The following DACH1 variants were observed in gnomAD, a reference collection of about 807,000 sequenced individuals.
DACH1 encodes the protein dachshund homolog 1.
DACH1 carries 12 observed loss-of-function variants against 54.2 expected under a neutral mutation model. The ratio of observed to expected loss-of-function variants is 0.22; its 90% CI spans 0.14 to 0.36. The LOEUF (loss-of-function observed/expected upper bound fraction) is 0.36, where lower values mean the gene tolerates loss of function less well. Among genes scored for constraint, DACH1 ranks in the 10% least tolerant of loss-of-function variants. The pLI is 1.00. For synonymous variants in DACH1, 386 were observed against 366.2 expected, an observed-to-expected ratio of 1.05 and a Z score of -0.62; for missense variants, 805 against 929.8, an observed-to-expected ratio of 0.87 and a Z score of 1.75.
intron 1 of DACH1, among the ~76,000 whole-genome samples, chr13:71,710,799 A>T (rs1387972486): frequency 6.6e-6 from 1 of 152,216 alleles, no homozygotes; most frequent in African/African-American, 2.4e-5. Flanking sequence ...TCAGTGGAAC[A>T]TCTGCAAAGC....
chr13:71,618,572 A>G (rs1875959945), intron 3 of DACH1, among the ~76,000 whole-genome samples: 1 of 152,012 alleles, frequency 6.6e-6, no homozygotes, highest in Admixed American at 6.6e-5. Context: ...TAATTAAGCT[A>G]TTAAATGAAG....
At chr13:71,639,978 T>C (rs1877772340) in intron 2 of DACH1, among the ~76,000 whole-genome samples, 1 of 152,002 alleles carries the variant, frequency 6.6e-6, no homozygotes, top group Non-Finnish European at 1.5e-5. Flanking sequence ...AACTTGGGGA[T>C]TAGAAAGACT....
chr13:71,691,203 G>T (rs758723334), intron 1 of DACH1, among the ~76,000 whole-genome samples: 5 of 152,238 alleles, frequency 3.3e-5, no homozygotes, highest in Non-Finnish European at 7.4e-5. Flanking sequence ...TGAACCCATT[G>T]CTCCTATCTC....
chr13:71,866,868 G>A lies in DACH1; in HGVS notation c.-99C>T. On this transcript the variant is annotated 5_prime_UTR_variant, in exon 1 of 11. Coordinates refer to ENST00000613252, the MANE Select transcript of DACH1 (RefSeq NM_080759.6). ...GGAAAAAAGGGGGGAGAAGGAGCGA[G>A]GGGGGCAACAACAACTCCGGGAGAG... The A allele has an allele frequency of 5.4e-6, 5 of 921,432 alleles. No homozygotes were observed. The highest frequency in any genetic ancestry group is 7.0e-6 in the Non-Finnish European group (5 of 718,802). The allele number at this position is 921,432 out of a possible 1,614,324, so 57.1% of individuals were successfully genotyped here. A position where few individuals can be genotyped will look rare whatever the true frequency, so the allele number is the denominator to read the frequency against.
At chr13:71,469,091 G>A (rs1386790195) in intron 10 of DACH1, among the ~76,000 whole-genome samples, 1 of 152,118 alleles carries the variant, frequency 6.6e-6, no homozygotes, top group Non-Finnish European at 1.5e-5. Flanking sequence ...CAAGGACTTT[G>A]AAGTCATAAA....
At chr13:71,699,384 T>C (rs1481548868) in intron 1 of DACH1, among the ~76,000 whole-genome samples, 1 of 152,228 alleles carries the variant, frequency 6.6e-6, no homozygotes, top group East Asian at 1.9e-4. Context: ...ACATTTAGCC[T>C]GACTTTTTCA....
rs79813949 is a variant in DACH1 at position 71,651,698 on chromosome 13, A to C, written c.965-20981T>G. Among the ~76,000 whole-genome samples, 122 of 145,140 alleles carry C rather than the reference A, an allele frequency of 8.4e-4. 1 individual carries two copies. The highest frequency in any genetic ancestry group is 2.9e-3 in the African/African-American group (110 of 38,378). ...TCTGTATCTGTATATGTATATGTAT[A>C]TGTATATGTATATGTATATGTATAT... On this transcript the variant is annotated intron_variant, in intron 2 of 10. Transcript: ENST00000613252.
intron 2 of DACH1, among the ~76,000 whole-genome samples, chr13:71,636,275 ATGTAC>A (rs537926339): frequency 1.3e-5 from 2 of 152,280 alleles, no homozygotes; most frequent in South Asian, 4.2e-4. Flanking sequence ...CAAGACAAAA[ATGTAC>A]TGAACTGAGA....
At chr13:71,586,312 T>C (rs1289805996) in intron 3 of DACH1, among the ~76,000 whole-genome samples, 1 of 152,120 alleles carries the variant, frequency 6.6e-6, no homozygotes, top group African/African-American at 2.4e-5. Context: ...GGAATATTCC[T>C]CCCAAATTCA....
At chr13:71,806,449 TC>T (rs1187559763) in intron 1 of DACH1, among the ~76,000 whole-genome samples, 2 of 152,206 alleles carry the variant, frequency 1.3e-5, no homozygotes, top group African/African-American at 4.8e-5. Flanking sequence ...GCTGACAATT[TC>T]TTTTTTTTCC....
intron 1 of DACH1, chr13:71,704,641 G>A: frequency 2.6e-6 from 1 of 384,170 alleles, no homozygotes; most frequent in Admixed American, 3.1e-5. Context: ...TCTTCCCTGT[G>A]GATTCATGGC....
At chr13:71,489,551 A>G (rs1181324657) in intron 6 of DACH1, among the ~76,000 whole-genome samples, 2 of 152,074 alleles carry the variant, frequency 1.3e-5, no homozygotes, top group African/African-American at 4.8e-5. Context: ...GGGGCTTTGT[A>G]TATTAGGAAG....
chr13:71,508,833 C>T (rs1305543547), intron 6 of DACH1, among the ~76,000 whole-genome samples: 1 of 152,074 alleles, frequency 6.6e-6, no homozygotes, highest in Non-Finnish European at 1.5e-5. Context: ...TCACCCTAAG[C>T]ATATTAAAAA....
rs983128547 is a variant in DACH1 at position 71,583,629 on chromosome 13, A to G, written c.1127-10617T>C. Among the ~76,000 whole-genome samples the G allele has an allele frequency of 7.9e-5, 12 of 152,008 alleles. 1 individual carries two copies. The highest frequency in any genetic ancestry group is 7.4e-5 in the Non-Finnish European group (5 of 67,980). On this transcript the variant is annotated intron_variant, in intron 3 of 10. Transcript: ENST00000613252. ...AGGCAGAGGTAGGCAGATCACCTGA[A>G]CTCAGGAGTTCAAGCCCAGCCTGGG...
chr13:71,636,692 T>C (rs997137379), intron 2 of DACH1, among the ~76,000 whole-genome samples: 1 of 151,912 alleles, frequency 6.6e-6, no homozygotes, highest in South Asian at 2.1e-4. Context: ...AGGCCTCCAA[T>C]TGGTCTTCAG....
intron 2 of DACH1, among the ~76,000 whole-genome samples, chr13:71,655,146 C>G (rs1311819070): frequency 6.6e-6 from 1 of 152,180 alleles, no homozygotes; most frequent in African/African-American, 2.4e-5. Flanking sequence ...ATGGCTACAG[C>G]TGTGATGATT....
intron 2 of DACH1, among the ~76,000 whole-genome samples, chr13:71,646,788 G>C (rs1362024271): frequency 2.0e-5 from 3 of 152,176 alleles, no homozygotes; most frequent in Non-Finnish European, 4.4e-5. Context: ...ATTTTAGTGA[G>C]TGTGGAATTA....
chr13:71,601,034 G>A (rs1301118727), intron 3 of DACH1, among the ~76,000 whole-genome samples: 2 of 151,558 alleles, frequency 1.3e-5, no homozygotes, highest in African/African-American at 2.4e-5. Context: ...AAAAAAAAAT[G>A]CCACTTAAAT....
At chr13:71,515,853 A>G (rs1474740012) in intron 6 of DACH1, among the ~76,000 whole-genome samples, 1 of 151,840 alleles carries the variant, frequency 6.6e-6, no homozygotes, top group East Asian at 1.9e-4. Context: ...ACACGTTGTA[A>G]TAACTTATTA....
Sources: gnomAD v4.1 joint callset for allele counts (sites outside exome capture counted in the v4.1 genomes callset) on GRCh38, gnomAD v4.1.1 for gene constraint, MANE v1.5 for transcripts, NCBI Gene and HGNC (gene_info 2026-07-23, HGNC 2026-07-21) for gene names.